The following TCF12 variants were observed in gnomAD, a reference collection of about 807,000 sequenced individuals.
TCF12 encodes the protein DNA-binding protein HTF4.
Under a neutral mutation model 86.0 loss-of-function variants are expected in TCF12, and 45 were observed. The observed-to-expected ratio is 0.52, with a 90% CI of 0.41 to 0.67. The LOEUF (loss-of-function observed/expected upper bound fraction) is 0.67. TCF12 is among the 30% of genes least tolerant of loss of function. The pLI is 0.00. For synonymous variants in TCF12, 330 were observed against 299.6 expected, an observed-to-expected ratio of 1.10 and a Z score of -1.05; for missense variants, 881 against 859.9, an observed-to-expected ratio of 1.02 and a Z score of -0.31.
intron 5 of TCF12, among the ~76,000 whole-genome samples, chr15:57,128,288 TC>T (rs1487154652): frequency 3.7e-4 from 56 of 152,348 alleles, no homozygotes; most frequent in African/African-American, 1.3e-3. Flanking sequence ...TATTAAGCTC[TC>T]AAGTTAGAAT....
chr15:57,103,149 A>G (rs146772137), intron 5 of TCF12, among the ~76,000 whole-genome samples: 1 of 152,344 alleles, frequency 6.6e-6, no homozygotes, highest in East Asian at 1.9e-4. Context: ...TCTAGTGAAA[A>G]TCGGTACTGC....
intron 3 of TCF12, among the ~76,000 whole-genome samples, chr15:56,940,592 C>CCTCCTCCTT (rs1339668560): frequency 4.7e-5 from 7 of 149,416 alleles, no homozygotes; most frequent in Non-Finnish European, 8.9e-5. Flanking sequence ...TTCTCCTCCT[C>CCTCCTCCTT]CTCCTCCTTC....
chr15:56,928,413 A>G (rs1178181087), intron 3 of TCF12, among the ~76,000 whole-genome samples: 1 of 152,164 alleles, frequency 6.6e-6, no homozygotes, highest in Non-Finnish European at 1.5e-5. Flanking sequence ...TATACTAGGC[A>G]TTGTGATAAG....
At chr15:57,064,814 G>GAAAAAAAAAAAAAAAAAAAAAAAAAAAAA (rs2068739988) in intron 4 of TCF12, among the ~76,000 whole-genome samples, 1 of 67,254 alleles carries the variant, frequency 1.5e-5, no homozygotes, top group Non-Finnish European at 3.4e-5. Flanking sequence ...AAAAAAAAAA[G>GAAAAAAAAAAAAAAAAAAAAAAAAAAAAA]AGAGAGAGAG....
At chr15:57,197,675 C>G in intron 7 of TCF12, 98 bp from the exon 8 acceptor site, 2 of 1,402,354 alleles carry the variant, frequency 1.4e-6, no homozygotes, top group Middle Eastern at 1.9e-4. Context: ...TATTGGAAAA[C>G]AAGAAAGACG....
intron 4 of TCF12, among the ~76,000 whole-genome samples, chr15:57,075,796 TTCTTTCTTTCTCTC>T (rs1206719825): frequency 3.8e-5 from 1 of 26,032 alleles, no homozygotes; most frequent in Non-Finnish European, 8.0e-5. Context: ...CTTTCTTTCT[TTCTTTCTTTCTCTC>T]TCTCTCTCTC....
At chr15:57,181,776 A>T (rs2151646550) in intron 6 of TCF12, among the ~76,000 whole-genome samples, 1 of 152,290 alleles carries the variant, frequency 6.6e-6, no homozygotes, top group Admixed American at 6.5e-5. Context: ...GAGGTTTGTC[A>T]TATGTAATTC....
chr15:57,046,373 C>A (rs1171471814), intron 3 of TCF12, among the ~76,000 whole-genome samples: 1 of 152,158 alleles, frequency 6.6e-6, no homozygotes, highest in African/African-American at 2.4e-5. Flanking sequence ...GAAACTCAGA[C>A]ACTAGTTTGA....
intron 13 of TCF12, among the ~76,000 whole-genome samples, chr15:57,244,328 T>C (rs1385679689): frequency 1.3e-5 from 2 of 152,172 alleles, no homozygotes; most frequent in Non-Finnish European, 2.9e-5. Context: ...GATAGTCTGT[T>C]TTTATTTTTA....
intron 3 of TCF12, among the ~76,000 whole-genome samples, chr15:57,037,313 C>T (rs902297034): frequency 2.6e-5 from 4 of 151,998 alleles, no homozygotes; most frequent in South Asian, 2.1e-4. Flanking sequence ...TGGTTCCTCA[C>T]GCCTGTAATC....
In TCF12 at chr15:57,232,707, T is replaced by C. The variant is rs1244001423; in HGVS notation, c.826-5T>C. ...ATTTAATAGATCATATCTCTTTCCA[T>C]CTAGAGTTATCCTCCACACTCAGTT... is the stretch of plus-strand genomic sequence containing the variant. On this transcript the variant is annotated splice_polypyrimidine_tract_variant and splice_region_variant and intron_variant, in intron 10 of 20. Transcript: ENST00000333725. 4.3e-6 allele frequency: 7 copies of C among 1,609,944 alleles called. No individual in the cohort carries two copies. In the African/African-American group the frequency reaches 8.0e-5, roughly 19 times the overall value.
chr15:57,115,409 G>A (rs2050770975), intron 5 of TCF12, among the ~76,000 whole-genome samples: 1 of 152,084 alleles, frequency 6.6e-6, no homozygotes, highest in Admixed American at 6.5e-5. Context: ...GATGAAATTG[G>A]CAGTGACATT....
At chr15:57,237,219 CAAAAG>C (rs1175222237) in intron 12 of TCF12, among the ~76,000 whole-genome samples, 1 of 151,608 alleles carries the variant, frequency 6.6e-6, no homozygotes, top group Non-Finnish European at 1.5e-5. Flanking sequence ...TAGTCTCTAA[CAAAAG>C]AAAAGAAAAT....
At chr15:57,178,633 A>G (rs1187646869) in intron 6 of TCF12, among the ~76,000 whole-genome samples, 2 of 152,226 alleles carry the variant, frequency 1.3e-5, no homozygotes, top group Non-Finnish European at 2.9e-5. Context: ...TGTATTCATT[A>G]AAGAAAAGGC....
At chr15:57,068,825 C>T (rs774153074) in intron 4 of TCF12, among the ~76,000 whole-genome samples, 1 of 152,016 alleles carries the variant, frequency 6.6e-6, no homozygotes, top group South Asian at 2.1e-4. Flanking sequence ...GTTTTCTGGT[C>T]TCTAAAATTA....
chr15:57,263,361 T>C (rs2060679954), intron 18 of TCF12, 87 bp downstream of exon 18: 2 of 1,333,132 alleles, frequency 1.5e-6, no homozygotes, highest in African/African-American at 1.5e-5. Flanking sequence ...ATTTATTAAC[T>C]GTCAGCTATG....
At chr15:57,138,704 G>C (rs1464279752) in intron 5 of TCF12, among the ~76,000 whole-genome samples, 1 of 152,232 alleles carries the variant, frequency 6.6e-6, no homozygotes, top group Non-Finnish European at 1.5e-5. Context: ...GCAATAGGCA[G>C]AAAGTGGTAG....
At chr15:56,996,304 A>G (rs2063710885) in intron 3 of TCF12, among the ~76,000 whole-genome samples, 1 of 152,084 alleles carries the variant, frequency 6.6e-6, no homozygotes, top group Non-Finnish European at 1.5e-5. Context: ...ACAAAAAAAG[A>G]TGATGCAACA....
In TCF12 at chr15:57,232,343, G is replaced by T; in HGVS notation, c.738G>T (p.Gln246His). The T allele has an allele frequency of 6.2e-7, 1 of 1,613,988 alleles. No homozygotes were observed. Among genetic ancestry groups the T allele is most frequent in the Non-Finnish European group, 8.5e-7 (1 of 1,179,922 alleles). ...GGAGTTCATCAAATGGGATGAGCCA[G>T]CCTGGTTTTGGTGGAATTCTGGGGA... ...DLWSSSNGMSQPGFGGILGTS... is the reference protein window; with the variant it reads ...DLWSSSNGMSHPGFGGILGTS... Residue 246 changes from glutamine to histidine, a missense_variant, in exon 10 of 21, where the codon CAG becomes CAT. By Grantham distance (24) the Gln-to-His change is conservative (BLOSUM62 0). This residue lies in a region of TCF12 where 766 missense variants were observed against 718.9 expected (regional missense o/e 1.07). Transcript: ENST00000333725.
Sources: allele counts gnomAD v4.1 joint callset (sites outside exome capture counted in the v4.1 genomes callset), GRCh38; gene constraint gnomAD v4.1.1; regional missense constraint gnomAD v4.1.1; transcripts MANE v1.5; gene names NCBI Gene and HGNC (gene_info 2026-07-23, HGNC 2026-07-21).